The following TP63 variants were observed in gnomAD, a reference collection of about 807,000 sequenced individuals.
TP63 encodes tumor protein 63.
Under a neutral mutation model 82.8 loss-of-function variants are expected in TP63, and 17 were observed. The observed-to-expected ratio is 0.21, with a 90% confidence interval of 0.14 to 0.31. The LOEUF is 0.31. Ranked by LOEUF, TP63 falls within the 10% of genes least tolerant of loss-of-function variation. TP63 has a pLI of 1.00. For synonymous variants in TP63, 330 were observed against 321.7 expected (o/e 1.03, Z -0.28); for missense variants, 648 against 895.3 (o/e 0.72, Z 3.52).
chr3:189,644,820 G>T (rs979266962), intron 1 of TP63, among the ~76,000 whole-genome samples: 4 of 151,704 alleles, frequency 2.6e-5, no homozygotes, highest in Non-Finnish European at 5.9e-5. Context: ...TAAAATAATG[G>T]TCTCCAATTC....
the TP63 span, among the ~76,000 whole-genome samples, chr3:189,612,382 T>G: frequency 5.3e-5 from 8 of 152,210 alleles, no homozygotes; most frequent in African/African-American, 1.9e-4. Flanking sequence ...TTTCCACTTT[T>G]CTTCTTTCTC....
chr3:189,732,630 G>C (rs1210671981), intron 1 of TP63, among the ~76,000 whole-genome samples: 2 of 152,188 alleles, frequency 1.3e-5, no homozygotes, highest in Non-Finnish European at 2.9e-5. Context: ...ACCACCTTCT[G>C]AGGGAAGCAT....
At chr3:189,712,190 A>C (rs982601906) in intron 1 of TP63, among the ~76,000 whole-genome samples, 2 of 152,244 alleles carry the variant, frequency 1.3e-5, no homozygotes, top group African/African-American at 4.8e-5. Context: ...TTACGAGGAC[A>C]GGAAACAGAC....
intron 4 of TP63, among the ~76,000 whole-genome samples, chr3:189,825,017 C>T (rs1729189299): frequency 6.6e-6 from 1 of 152,094 alleles, no homozygotes; most frequent in South Asian, 2.1e-4. Flanking sequence ...GTAATAAAAG[C>T]TCTCTGATTT....
intron 6 of TP63, 107 bp from the exon 7 acceptor site, chr3:189,867,726 G>T: frequency 3.0e-6 from 3 of 1,015,262 alleles, no homozygotes; most frequent in African/African-American, 1.6e-5. Flanking sequence ...AGGAGGAAGC[G>T]TATCACTTCA....
the TP63 span, among the ~76,000 whole-genome samples, chr3:189,619,293 C>A: frequency 6.6e-6 from 1 of 152,174 alleles, no homozygotes; most frequent in African/African-American, 2.4e-5. Context: ...CGATGTCTTT[C>A]AGTGTGAGGG....
intron 6 of TP63, among the ~76,000 whole-genome samples, chr3:189,867,283 T>G (rs936785355): frequency 1.3e-5 from 2 of 152,202 alleles, no homozygotes; most frequent in African/African-American, 2.4e-5. Context: ...TTCTTTGGTT[T>G]GCTGGCTTGC....
chr3:189,650,210 C>T (rs983721833), intron 1 of TP63, among the ~76,000 whole-genome samples: 1 of 147,106 alleles, frequency 6.8e-6, no homozygotes, highest in African/African-American at 2.5e-5. Context: ...AGCTGGTTCT[C>T]AGCTTAGAGA....
At chr3:189,877,752 A>G (rs1467452579) in intron 10 of TP63, among the ~76,000 whole-genome samples, 1 of 152,248 alleles carries the variant, frequency 6.6e-6, no homozygotes, top group African/African-American at 2.4e-5. Flanking sequence ...TAGCCAGTTT[A>G]TAATAAAGCT....
intron 4 of TP63, among the ~76,000 whole-genome samples, chr3:189,814,278 TACAG>T (rs1202885225): frequency 1.3e-4 from 20 of 152,342 alleles, no homozygotes; most frequent in South Asian, 6.2e-4. Context: ...GGACAAGATG[TACAG>T]ACAAACTCTT....
At chr3:189,801,239 A>G (rs986869306) in intron 3 of TP63, among the ~76,000 whole-genome samples, 2 of 152,198 alleles carry the variant, frequency 1.3e-5, no homozygotes, top group Non-Finnish European at 2.9e-5. Flanking sequence ...ATATTACCAT[A>G]TCTGCTATAT....
intron 1 of TP63, among the ~76,000 whole-genome samples, chr3:189,736,036 T>C (rs534416161): frequency 1.2e-4 from 18 of 151,612 alleles, no homozygotes; most frequent in African/African-American, 3.4e-4. Flanking sequence ...TGCATGTAAA[T>C]CTACAATTTC....
chr3:189,647,733 AG>A (rs1472390650), intron 1 of TP63, among the ~76,000 whole-genome samples: 3 of 147,018 alleles, frequency 2.0e-5, no homozygotes, highest in Non-Finnish European at 3.0e-5. Flanking sequence ...ATTGTCTTAA[AG>A]AAAAAAAAAG....
chr3:189,674,476 G>A (rs898111755), intron 1 of TP63, among the ~76,000 whole-genome samples: 8 of 152,068 alleles, frequency 5.3e-5, no homozygotes, highest in African/African-American at 1.2e-4. Context: ...ACACAGAAGC[G>A]TCAATATAGA....
At chr3:189,859,928 T>C (rs994497563) in intron 4 of TP63, among the ~76,000 whole-genome samples, 4 of 152,078 alleles carry the variant, frequency 2.6e-5, no homozygotes, top group Non-Finnish European at 1.5e-5. Flanking sequence ...AAGGTAAAAC[T>C]AGTGGAGGAA....
At chr3:189,848,216 C>T (rs1390142320) in intron 4 of TP63, among the ~76,000 whole-genome samples, 1 of 131,798 alleles carries the variant, frequency 7.6e-6, no homozygotes, top group Admixed American at 7.6e-5. Flanking sequence ...TTTCCTCCCT[C>T]TGCCTCCTCC....
At chr3:189,876,035 C>T (rs1448164476) in intron 10 of TP63, among the ~76,000 whole-genome samples, 1 of 152,094 alleles carries the variant, frequency 6.6e-6, no homozygotes, top group East Asian at 1.9e-4. Context: ...GATGTAGCTC[C>T]TGCCTTCCCA....
chr3:189,708,067 G>A (rs190701462), intron 1 of TP63, among the ~76,000 whole-genome samples: 3 of 151,398 alleles, frequency 2.0e-5, no homozygotes, highest in East Asian at 1.9e-4. Flanking sequence ...TGTTTTTTTC[G>A]TTCCTTCTTT....
intron 1 of TP63, among the ~76,000 whole-genome samples, chr3:189,716,819 T>C (rs1718995799): frequency 6.6e-6 from 1 of 151,956 alleles, no homozygotes; most frequent in African/African-American, 2.4e-5. Context: ...TTTTTTTAGA[T>C]GGAGTCTTGC....
Sources: gnomAD v4.1 joint callset for allele counts (sites outside exome capture counted in the v4.1 genomes callset) on GRCh38, gnomAD v4.1.1 for gene constraint, MANE v1.5 for transcripts, NCBI Gene and HGNC (gene_info 2026-07-23, HGNC 2026-07-21) for gene names.